The following MAGI2 variants were observed in gnomAD, a reference collection of about 807,000 sequenced individuals.
The protein encoded by MAGI2 is membrane associated guanylate kinase, WW and PDZ domain containing 2, also known as membrane-associated guanylate kinase, WW and PDZ domain-containing protein 2.
MAGI2 carries 35 observed loss-of-function variants against 133.3 expected under a neutral mutation model. The ratio of observed to expected loss-of-function variants is 0.26; its 90% CI spans 0.20 to 0.35. The LOEUF is 0.35. Among genes scored for constraint, MAGI2 ranks in the 10% least tolerant of loss-of-function variants. MAGI2 has a pLI of 1.00. For missense variants in MAGI2, 1,636 were observed against 1,863.4 expected (o/e 0.88, Z 2.25); for synonymous variants, 729 against 710.6 (o/e 1.03, Z -0.41).
rs71095386 is a variant in MAGI2 at position 79,191,402 on chromosome 7, C to CTTTTTTTTTTTTTTTTTTTTTTTTTTTTT, written c.302-184225_302-184197dup. On this transcript the variant is annotated intron_variant, in intron 1 of 21. Coordinates refer to ENST00000354212, the MANE Select transcript of MAGI2 (RefSeq NM_012301.4). ...TCTTTTTTTCTTTTTCTTTTTCTTT[C>CTTTTTTTTTTTTTTTTTTTTTTTTTTTTT]TTTTTTTTTTTTTTTTTTTTTTTTT... Among the ~76,000 whole-genome samples the CTTTTTTTTTTTTTTTTTTTTTTTTTTTTT allele has an allele frequency of 1.4e-3, 31 of 22,348 alleles. 8 individuals are homozygous for CTTTTTTTTTTTTTTTTTTTTTTTTTTTTT. Among genetic ancestry groups the CTTTTTTTTTTTTTTTTTTTTTTTTTTTTT allele is most frequent in the East Asian group, 3.0e-3 (2 of 660 alleles). The allele number at this position is 22,348 out of a possible 152,430, so 14.7% of individuals were successfully genotyped here. A position where few individuals can be genotyped will look rare whatever the true frequency, so the allele number is the denominator to read the frequency against.
intron 3 of MAGI2, among the ~76,000 whole-genome samples, chr7:78,570,980 A>G (rs1052295214): frequency 2.0e-5 from 3 of 152,162 alleles, no homozygotes; most frequent in African/African-American, 7.2e-5. Flanking sequence ...AAATTAGGTT[A>G]CTTAAGATTG....
Position 78,185,678 on chromosome 7 carries a change from G to C in MAGI2, c.2270-8C>G. The stretch of plus-strand genomic sequence containing the variant: ...TCCTGGGTGGCACTTGTTCTGGATG[G>C]GAAAATGGGGAATTAAAGTTGAAAT... On this transcript the variant is annotated splice_region_variant and splice_polypyrimidine_tract_variant and intron_variant, in intron 12 of 21. Coordinates refer to ENST00000354212, the MANE Select transcript of MAGI2 (RefSeq NM_012301.4). 1 of 1,559,550 alleles carries C rather than the reference G, an allele frequency of 6.4e-7. No individual in the cohort carries two copies. The highest frequency in any genetic ancestry group is 8.7e-7 in the Non-Finnish European group (1 of 1,144,906).
chr7:79,081,373 CATAT>C (rs1157792291), intron 1 of MAGI2, among the ~76,000 whole-genome samples: 1 of 152,170 alleles, frequency 6.6e-6, no homozygotes, highest in Non-Finnish European at 1.5e-5. Context: ...TTTATGCCTT[CATAT>C]ATTTAAATAC....
intron 2 of MAGI2, among the ~76,000 whole-genome samples, chr7:78,908,086 T>C (rs937859533): frequency 6.6e-6 from 1 of 152,134 alleles, no homozygotes; most frequent in Non-Finnish European, 1.5e-5. Flanking sequence ...GGAAATGTGG[T>C]ATATTTGAGA....
At chr7:79,394,789 T>C (rs760337361) in intron 1 of MAGI2, among the ~76,000 whole-genome samples, 5 of 152,240 alleles carry the variant, frequency 3.3e-5, no homozygotes, top group Non-Finnish European at 5.9e-5. Flanking sequence ...TGTTTCACTA[T>C]ATAATTTCAA....
intron 2 of MAGI2, among the ~76,000 whole-genome samples, chr7:78,952,724 G>T (rs887822905): frequency 2.0e-5 from 3 of 152,066 alleles, no homozygotes; most frequent in Non-Finnish European, 4.4e-5. Context: ...GTTCCCATAC[G>T]CAGACTTTTA....
chr7:79,372,798 A>G (rs1211480555), intron 1 of MAGI2, among the ~76,000 whole-genome samples: 1 of 152,058 alleles, frequency 6.6e-6, no homozygotes, highest in African/African-American at 2.4e-5. Flanking sequence ...GTCAAGACTC[A>G]AAGAAAATAG....
At chr7:79,228,393 G>GAAAAAAAAAAAAAAAAAAAAAAAAAAAAA (rs1831065036) in intron 1 of MAGI2, among the ~76,000 whole-genome samples, 1 of 93,620 alleles carries the variant, frequency 1.1e-5, no homozygotes. Context: ...GTCTTGTCTT[G>GAAAAAAAAAAAAAAAAAAAAAAAAAAAAA]AAATAAGAAA....
At chr7:78,230,129 C>T (rs919538787) in intron 10 of MAGI2, among the ~76,000 whole-genome samples, 12 of 152,174 alleles carry the variant, frequency 7.9e-5, no homozygotes, top group African/African-American at 1.2e-4. Context: ...CTAATTAGAC[C>T]AAACACTGTG....
rs563592729 is a variant in MAGI2, at chr7:78,521,771, C to CAT, written c.539-128_539-127dup. 429 of 664,572 alleles carry CAT rather than the reference C, an allele frequency of 6.5e-4. 5 individuals are homozygous for CAT. The highest frequency in any genetic ancestry group is 5.6e-3 in the South Asian group (288 of 51,542). 41.2% of individuals were successfully genotyped at this position (664,572 alleles called of 1,614,324 possible). A position where few individuals can be genotyped will look rare whatever the true frequency, so the allele number is the denominator to read the frequency against. ...TTATATGTACATACATAGACACATA[C>CAT]ATATATATATATGGTTTTCTATCTA... On this transcript the variant is annotated intron_variant, in intron 3 of 21. Coordinates refer to ENST00000354212, the MANE Select transcript of MAGI2 (RefSeq NM_012301.4).
chr7:78,294,417 G>A (rs933416569), intron 9 of MAGI2, among the ~76,000 whole-genome samples: 2 of 151,974 alleles, frequency 1.3e-5, no homozygotes, highest in African/African-American at 2.4e-5. Flanking sequence ...TTTCCATATC[G>A]AGACCATTAC....
intron 10 of MAGI2, among the ~76,000 whole-genome samples, chr7:78,242,059 A>G (rs1264604998): frequency 6.6e-6 from 1 of 150,590 alleles, no homozygotes; most frequent in Non-Finnish European, 1.5e-5. Context: ...TGTCTACCAC[A>G]TGTTTGACCA....
At chr7:78,492,727 C>G (rs1401848446) in intron 5 of MAGI2, among the ~76,000 whole-genome samples, 1 of 152,148 alleles carries the variant, frequency 6.6e-6, no homozygotes, top group Non-Finnish European at 1.5e-5. Flanking sequence ...CATCAGTTTT[C>G]TGTATCTATC....
At chr7:78,052,677 C>T (rs11971106) in intron 21 of MAGI2, among the ~76,000 whole-genome samples, 14,229 of 152,252 alleles carry the variant, frequency 0.093, 657 homozygotes, top group South Asian at 0.12. Flanking sequence ...GAAAAAAATA[C>T]TTTAATAATT....
chr7:78,495,770 A>C (rs892985499), intron 5 of MAGI2, among the ~76,000 whole-genome samples: 5 of 152,180 alleles, frequency 3.3e-5, no homozygotes, highest in Admixed American at 6.6e-5. Context: ...TTTTTAAAGA[A>C]GTTTCATTAC....
At chr7:78,123,751 A>T (rs1307701998) in intron 20 of MAGI2, among the ~76,000 whole-genome samples, 1 of 152,202 alleles carries the variant, frequency 6.6e-6, no homozygotes, top group Non-Finnish European at 1.5e-5. Context: ...TGACACAGGT[A>T]TCTATAATAA....
At chr7:78,951,365 T>C (rs146933034) in intron 2 of MAGI2, among the ~76,000 whole-genome samples, 1,738 of 152,252 alleles carry the variant, frequency 0.011, 27 homozygotes, top group African/African-American at 0.036. Flanking sequence ...GAAAAGAGTT[T>C]TAATTGACTC....
chr7:78,699,461 T>C (rs1217475410), intron 2 of MAGI2, among the ~76,000 whole-genome samples: 1 of 152,190 alleles, frequency 6.6e-6, no homozygotes, highest in African/African-American at 2.4e-5. Context: ...CTTCAGGCTA[T>C]GTATGTAAGG....
intron 1 of MAGI2, among the ~76,000 whole-genome samples, chr7:79,214,789 A>G (rs1191130045): frequency 2.1e-5 from 3 of 142,184 alleles, no homozygotes; most frequent in East Asian, 4.0e-4. Context: ...AAAAATATAT[A>G]TTAATATAGA....
Sources: allele counts gnomAD v4.1 joint callset (sites outside exome capture counted in the v4.1 genomes callset), GRCh38; gene constraint gnomAD v4.1.1; transcripts MANE v1.5; gene names NCBI Gene and HGNC (gene_info 2026-07-23, HGNC 2026-07-21).